The following NRP2 variants were observed in gnomAD, a reference collection of about 807,000 sequenced individuals.
NRP2 encodes neuropilin-2.
In NRP2, 52 loss-of-function variants were observed where a neutral mutation model predicts 110.4. That is an observed-to-expected ratio of 0.47 (90% CI 0.38 to 0.59). The LOEUF is 0.59. Ranked by LOEUF, NRP2 falls within the 20% of genes least tolerant of loss-of-function variation. NRP2 has a pLI of 0.00. For missense variants in NRP2, 1,049 were observed against 1,203.0 expected (o/e 0.87, Z 1.89); for synonymous variants, 508 against 468.9 (o/e 1.08, Z -1.08).
At chr2:205,713,835 T>C (rs1372701752) in intron 2 of NRP2, among the ~76,000 whole-genome samples, 5 of 152,194 alleles carry the variant, frequency 3.3e-5, no homozygotes, top group Non-Finnish European at 5.9e-5. Context: ...CAAAGATGCA[T>C]ATGCATCTTT....
At chr2:205,774,841 G>A (rs1444357669) in intron 15 of NRP2, among the ~76,000 whole-genome samples, 1 of 152,130 alleles carries the variant, frequency 6.6e-6, no homozygotes, top group African/African-American at 2.4e-5. Context: ...TTTATTGAGT[G>A]CCTTCTTTGT....
intron 15 of NRP2, among the ~76,000 whole-genome samples, chr2:205,782,780 T>C (rs143133673): frequency 1.1e-3 from 166 of 152,330 alleles, no homozygotes; most frequent in African/African-American, 3.7e-3. Flanking sequence ...ATCTGCAGCA[T>C]AGCATTCCAT....
intron 16 of NRP2, 96 bp from the exon 17 acceptor site, chr2:205,794,658 A>G: frequency 8.1e-7 from 1 of 1,238,082 alleles, no homozygotes; most frequent in South Asian, 1.2e-5. Context: ...GCTGCTAACT[A>G]CTGTGCTCTG....
intron 14 of NRP2, 31 bp from the exon 15 acceptor site, chr2:205,766,748 TTAAC>T (rs747960225): frequency 2.4e-5 from 39 of 1,602,274 alleles, no homozygotes; most frequent in Admixed American, 1.7e-4. Context: ...TTTCTTGCCT[TTAAC>T]TAAGTCCAAT....
chr2:205,695,509 G>A (rs13028020), intron 1 of NRP2, among the ~76,000 whole-genome samples: 1 of 151,968 alleles, frequency 6.6e-6, no homozygotes, highest in African/African-American at 2.4e-5. Flanking sequence ...AGGAGGGAGA[G>A]AGTGTGGGTA....
intron 15 of NRP2, among the ~76,000 whole-genome samples, chr2:205,774,473 G>T (rs1228989950): frequency 6.6e-6 from 1 of 152,192 alleles, no homozygotes; most frequent in Non-Finnish European, 1.5e-5. Context: ...AGGGGTTGTG[G>T]ATGTGGCTGT....
chr2:205,730,099 C>T (rs189400251), intron 7 of NRP2, among the ~76,000 whole-genome samples: 114 of 152,346 alleles, frequency 7.5e-4, no homozygotes, highest in East Asian at 5.6e-3. Context: ...AATTAGGCAT[C>T]GCCCCACTCT....
At chr2:205,712,389 C>T (rs937233403) in intron 2 of NRP2, among the ~76,000 whole-genome samples, 2 of 152,178 alleles carry the variant, frequency 1.3e-5, no homozygotes, top group East Asian at 3.8e-4. Flanking sequence ...ACGAGTGATA[C>T]GTTCTAAGAG....
intron 2 of NRP2, among the ~76,000 whole-genome samples, chr2:205,702,419 A>G (rs755380018): frequency 3.3e-5 from 5 of 152,228 alleles, no homozygotes; most frequent in Non-Finnish European, 7.3e-5. Context: ...CCCAAGTGAC[A>G]AAGCGTAAGA....
chr2:205,778,316 C>A (rs1157558402), intron 15 of NRP2: 1 of 151,472 alleles, frequency 6.6e-6, no homozygotes, highest in Non-Finnish European at 1.5e-5. Flanking sequence ...ACTTTCTCAT[C>A]TGGTTCGTTT....
chr2:205,789,892 A>G (rs1475619090), intron 15 of NRP2, among the ~76,000 whole-genome samples: 6 of 152,246 alleles, frequency 3.9e-5, no homozygotes, highest in Non-Finnish European at 8.8e-5. Context: ...AAACACAGAT[A>G]TCAAGAATAT....
chr2:205,777,901 T>C (rs183736761), intron 15 of NRP2: 10 of 152,324 alleles, frequency 6.6e-5, no homozygotes, highest in African/African-American at 2.4e-4. Context: ...CATATTCAGA[T>C]GTTGCCGCAT....
At position 205,746,744 on chromosome 2, in the gene NRP2, G is replaced by A. The variant is rs529993116; in HGVS notation, c.1786+854G>A. Among the ~76,000 whole-genome samples, 21 of 152,338 alleles carry A rather than the reference G, an allele frequency of 1.4e-4. 1 individual carries two copies. Among genetic ancestry groups the A allele is most frequent in the African/African-American group, 2.2e-4 (9 of 41,586 alleles). ...GTATCCCCATTTTCCTGTCTGTGCC[G>A]TACCTGTCACGGGCTCAGCCGGCAG... On this transcript the variant is annotated intron_variant, in intron 10 of 16. Coordinates refer to ENST00000357785, the MANE Select transcript of NRP2 (RefSeq NM_003872.3).
intron 3 of NRP2, among the ~76,000 whole-genome samples, chr2:205,721,000 G>A (rs551500181): frequency 5.9e-5 from 9 of 152,336 alleles, no homozygotes; most frequent in South Asian, 4.1e-4. Context: ...AAAGTAGGAA[G>A]TGATGGATGG....
intron 7 of NRP2, among the ~76,000 whole-genome samples, chr2:205,733,678 A>T (rs1473937222): frequency 6.6e-6 from 1 of 151,880 alleles, no homozygotes; most frequent in Admixed American, 6.5e-5. Flanking sequence ...CACCCCACCC[A>T]GCTAGAATGT....
Position 205,793,822 on chromosome 2 carries a change from G to A in NRP2, c.2477-932G>A, listed in dbSNP as rs1042794241. On this transcript the variant is annotated intron_variant, in intron 16 of 16. Coordinates refer to ENST00000357785, the MANE Select transcript of NRP2 (RefSeq NM_003872.3). ...GGTTAGGACTTCAATATGAATTTAA[G>A]TGTCTGGGAGGGGGATACAGTTCAA... 5.9e-5 allele frequency among the ~76,000 whole-genome samples: 9 copies of A among 152,258 alleles called. No individual in the cohort carries two copies. In the East Asian group the frequency reaches 1.7e-3, roughly 29 times the overall value.
In NRP2 at chr2:205,765,780, C is replaced by T. The variant is rs535894575; in HGVS notation, c.2404+210C>T. On this transcript the variant is annotated intron_variant, in intron 14 of 16. Transcript: ENST00000357785. ...GTGAGGTAAGGGGACGGCTTATATC[C>T]CTGTTCCCAATCAGAAATAGACATG... 1.0e-5 allele frequency: 7 copies of T among 701,028 alleles called. No homozygotes were observed. In the Admixed American group the frequency reaches 1.1e-4, roughly 11 times the overall value. 43.4% of individuals were successfully genotyped at this position (701,028 alleles called of 1,614,324 possible). A position where few individuals can be genotyped will look rare whatever the true frequency, so the allele number is the denominator to read the frequency against.
chr2:205,716,763 A>G (rs2056905850), intron 3 of NRP2, among the ~76,000 whole-genome samples: 2 of 152,200 alleles, frequency 1.3e-5, no homozygotes, highest in South Asian at 4.1e-4. Context: ...ATTTGGAACT[A>G]CATGGGGCTG....
intron 10 of NRP2, among the ~76,000 whole-genome samples, chr2:205,748,260 C>T (rs746760774): frequency 1.2e-4 from 19 of 152,150 alleles, no homozygotes; most frequent in Admixed American, 1.2e-3. Flanking sequence ...CACTCATCTT[C>T]GGTTCACTTC....
Sources: allele counts gnomAD v4.1 joint callset (sites outside exome capture counted in the v4.1 genomes callset), GRCh38; gene constraint gnomAD v4.1.1; transcripts MANE v1.5; gene names NCBI Gene and HGNC (gene_info 2026-07-23, HGNC 2026-07-21).